The following UGT3A2 variants were observed in gnomAD, a reference collection of about 807,000 sequenced individuals.
UGT3A2 encodes the protein UDP glycosyltransferase family 3 member A2.
UGT3A2 carries 32 observed loss-of-function variants against 39.8 expected under a neutral mutation model. The observed-to-expected ratio is 0.80, with a 90% CI of 0.61 to 1.08. UGT3A2 has a LOEUF of 1.08. UGT3A2 is among the 50% of genes least tolerant of loss of function. UGT3A2 has a pLI of 0.00. For missense variants in UGT3A2, 611 were observed against 637.1 expected, an observed-to-expected ratio of 0.96 and a Z score of 0.44; for synonymous variants, 241 against 230.7, an observed-to-expected ratio of 1.04 and a Z score of -0.40.
rs1378578574 is a variant in UGT3A2 at position 36,051,870 on chromosome 5, C to T, written c.311G>A (p.Arg104Lys). The T allele has an allele frequency of 2.5e-6, 4 of 1,578,850 alleles. No individual in the cohort carries two copies. The highest frequency in any genetic ancestry group is 1.4e-5 in the African/African-American group (1 of 72,284). The change falls in exon 3 of 7, where the codon AGA becomes AAA. Residue 104 changes from arginine (R) to lysine (K), a missense_variant and splice_region_variant. By Grantham distance (26) the Arg-to-Lys change is conservative. Transcript: ENST00000282507. The stretch of plus-strand genomic sequence containing the variant: ...GTTCAAAGAATAAAAAAACAATTAC[C>T]TGCCACCTAAAGTTTCTTCCAGAAA... Reference protein sequence around the residue: ...DFFLEETLGGRGKFENLLNVL... With the variant: ...DFFLEETLGGKGKFENLLNVL...
chr5:36,036,564 G>A (rs1361818915), intron 6 of UGT3A2, among the ~76,000 whole-genome samples: 1 of 152,188 alleles, frequency 6.6e-6, no homozygotes, highest in Admixed American at 6.5e-5. Flanking sequence ...AATGTCTGAG[G>A]ACCATCCCAG....
At chr5:36,066,181 A>G (rs1289588989) in intron 1 of UGT3A2, among the ~76,000 whole-genome samples, 1 of 152,192 alleles carries the variant, frequency 6.6e-6, no homozygotes, top group African/African-American at 2.4e-5. Context: ...CATTGCAGCC[A>G]TGAAATACCT....
intron 2 of UGT3A2, among the ~76,000 whole-genome samples, chr5:36,062,383 G>A (rs906173125): frequency 4.6e-5 from 7 of 152,206 alleles, no homozygotes; most frequent in African/African-American, 1.4e-4. Context: ...TAAGTCTAAC[G>A]TTTAAGTCTT....
At chr5:36,054,403 T>C (rs1390198918) in intron 2 of UGT3A2, among the ~76,000 whole-genome samples, 1 of 152,198 alleles carries the variant, frequency 6.6e-6, no homozygotes, top group Middle Eastern at 3.2e-3. Flanking sequence ...AATGAAAATG[T>C]ATTCATCTTG....
chr5:36,050,118 A>G (rs1188872838), intron 3 of UGT3A2, among the ~76,000 whole-genome samples: 3 of 149,614 alleles, frequency 2.0e-5, no homozygotes, highest in Non-Finnish European at 3.0e-5. Flanking sequence ...TATTTTATAT[A>G]TTATTTATTT....
chr5:36,038,900 G>A (rs762913299), intron 5 of UGT3A2, among the ~76,000 whole-genome samples: 1 of 152,174 alleles, frequency 6.6e-6, no homozygotes, highest in Non-Finnish European at 1.5e-5. Context: ...CAGACAACTC[G>A]GTAGACCAAA....
intron 2 of UGT3A2, among the ~76,000 whole-genome samples, chr5:36,058,023 A>G (rs1742568747): frequency 6.6e-6 from 1 of 152,242 alleles, no homozygotes; most frequent in South Asian, 2.1e-4. Flanking sequence ...AGAATATGAA[A>G]ACTAATGTAA....
At chr5:36,052,468 A>ACTCCATTTTCACTCTTTGC (rs70973080) in intron 2 of UGT3A2, among the ~76,000 whole-genome samples, 86,052 of 150,756 alleles carry the variant, frequency 0.57, 29,152 homozygotes, top group Non-Finnish European at 0.75. Context: ...AAGAAGTCTG[A>ACTCCATTTTCACTCTTTGC]CTCCATTTTC....
rs1321474636 is a variant in UGT3A2, at chr5:36,044,464, TG to T, written c.843+4424del. On this transcript the variant is annotated intron_variant, in intron 4 of 6. Coordinates refer to ENST00000282507, the MANE Select transcript of UGT3A2 (RefSeq NM_174914.4). ...TTACCACAGTTATTCAACATAGTAC[TG>T]GAAGTTCTAGCTAGAGCAATCAGAA... 2.6e-5 allele frequency among the ~76,000 whole-genome samples: 4 copies of T among 152,226 alleles called. No homozygotes were observed. The East Asian group carries it at 7.7e-4, about 29-fold the overall frequency.
chr5:36,057,814 A>G (rs760322354), intron 2 of UGT3A2, among the ~76,000 whole-genome samples: 1 of 152,160 alleles, frequency 6.6e-6, no homozygotes, highest in Non-Finnish European at 1.5e-5. Context: ...TGCTGGGATT[A>G]CAAATGTGAG....
chr5:36,056,386 G>C (rs955976293), intron 2 of UGT3A2, among the ~76,000 whole-genome samples: 1 of 152,146 alleles, frequency 6.6e-6, no homozygotes, highest in South Asian at 2.1e-4. Context: ...AGGGCAAGTG[G>C]GGCATGTACA....
intron 2 of UGT3A2, among the ~76,000 whole-genome samples, chr5:36,054,542 G>A (rs886957445): frequency 2.0e-5 from 3 of 152,194 alleles, no homozygotes; most frequent in Non-Finnish European, 2.9e-5. Context: ...GTGGGTGAGA[G>A]TCTGGGTGTA....
intron 2 of UGT3A2, among the ~76,000 whole-genome samples, chr5:36,063,189 T>C (rs1228902977): frequency 3.3e-5 from 5 of 152,188 alleles, no homozygotes; most frequent in African/African-American, 4.8e-5. Flanking sequence ...AGGGGGTGCA[T>C]GTCCAGGTGT....
intron 2 of UGT3A2, among the ~76,000 whole-genome samples, chr5:36,056,556 G>T (rs867614002): frequency 1.3e-5 from 2 of 152,182 alleles, no homozygotes; most frequent in Non-Finnish European, 2.9e-5. Context: ...CAGGCAAGTT[G>T]GTAACCAGTG....
chr5:36,052,746 A>G (rs1267816990), intron 2 of UGT3A2, among the ~76,000 whole-genome samples: 1 of 151,516 alleles, frequency 6.6e-6, no homozygotes, highest in Non-Finnish European at 1.5e-5. Flanking sequence ...TGAAAAAAAG[A>G]AAAAAAAATA....
chr5:36,043,860 A>G (rs1250345244), intron 4 of UGT3A2, among the ~76,000 whole-genome samples: 1 of 152,140 alleles, frequency 6.6e-6, no homozygotes, highest in Non-Finnish European at 1.5e-5. Flanking sequence ...TAAAGTTGTA[A>G]TAAAAAGTCT....
At position 36,039,516 on chromosome 5, in the gene UGT3A2, C is replaced by T. The variant is rs1417397641; in HGVS notation, c.1036G>A (p.Val346Met). ...WPKDVHLAAN[V>M]KIVDWLPQSD... is the part of the protein sequence containing the mutation. ...TGAGGAAGCCAGTCCACAATTTTCA[C>T]ATTTGCAGCCAGGTGGACATCTTTG... is the stretch of plus-strand genomic sequence containing the variant. Residue 346 changes from valine to methionine, a missense_variant, in exon 5 of 7, where the codon GTG becomes ATG. Physicochemically the swap from Val to Met is conservative, Grantham distance 21. Coordinates refer to ENST00000282507, the MANE Select transcript of UGT3A2 (RefSeq NM_174914.4). 2.5e-6 allele frequency: 4 copies of T among 1,614,220 alleles called. No homozygotes were observed. Among genetic ancestry groups the T allele is most frequent in the Non-Finnish European group, 2.5e-6 (3 of 1,180,046 alleles).
chr5:36,043,971 T>C (rs1207970639), intron 4 of UGT3A2, among the ~76,000 whole-genome samples: 2 of 151,648 alleles, frequency 1.3e-5, no homozygotes, highest in Non-Finnish European at 3.0e-5. Context: ...CTAAAAAACA[T>C]AGAAGAGAGG....
At chr5:36,046,755 A>G (rs1742179834) in intron 4 of UGT3A2, among the ~76,000 whole-genome samples, 1 of 152,168 alleles carries the variant, frequency 6.6e-6, no homozygotes, top group Non-Finnish European at 1.5e-5. Context: ...AAAAGAATAT[A>G]ATTGGAATGT....
Sources: gnomAD v4.1 joint callset for allele counts (sites outside exome capture counted in the v4.1 genomes callset) on GRCh38, gnomAD v4.1.1 for gene constraint, MANE v1.5 for transcripts, NCBI Gene and HGNC (gene_info 2026-07-23, HGNC 2026-07-21) for gene names.